DSE: variants seen among roughly 807,000 people sequenced by gnomAD.
DSE encodes dermatan-sulfate epimerase.
A neutral mutation model predicts 84.4 loss-of-function variants in DSE; 36 were observed. The ratio of observed to expected loss-of-function variants is 0.43; its 90% CI spans 0.33 to 0.56. DSE has a LOEUF of 0.56. Ranked by LOEUF, DSE falls within the 20% of genes least tolerant of loss-of-function variation. The pLI is 0.06. For missense variants in DSE, 862 were observed against 1,169.6 expected (o/e 0.74, Z 3.84); for synonymous variants, 410 against 430.1 (o/e 0.95, Z 0.58).
At chr6:116,376,430 G>A (rs1211527726) in intron 1 of DSE, among the ~76,000 whole-genome samples, 3 of 152,220 alleles carry the variant, frequency 2.0e-5, no homozygotes, top group Non-Finnish European at 2.9e-5. Context: ...GAGGAAAAGT[G>A]TTCAGAGAGC....
chr6:116,275,337 G>A (rs1253177181), intron 2 of DSE, among the ~76,000 whole-genome samples: 2 of 152,194 alleles, frequency 1.3e-5, no homozygotes, highest in Non-Finnish European at 2.9e-5. Flanking sequence ...GTGTTTAGAC[G>A]TTTTCTAATG....
intron 2 of DSE, among the ~76,000 whole-genome samples, chr6:116,425,622 TTATTTTA>T (rs1297855025): frequency 5.4e-4 from 69 of 127,788 alleles, no homozygotes; most frequent in African/African-American, 2.0e-3. Context: ...TATTTTTATT[TTATTTTA>T]TTTTTTTTTT....
chr6:116,279,964 A>C (rs1773414974), intron 2 of DSE: 2 of 1,282,516 alleles, frequency 1.6e-6, no homozygotes, highest in Non-Finnish European at 2.2e-6. Flanking sequence ...AGGACTGGAG[A>C]TCTCACGGTA....
chr6:116,278,132 TGAGTAG>T, intron 2 of DSE: 1 of 302,286 alleles, frequency 3.3e-6, no homozygotes, highest in Non-Finnish European at 6.5e-6. Context: ...AATGCAGAGC[TGAGTAG>T]GTGGAACAGG....
At chr6:116,255,582 T>C (rs1375194802) in intron 1 of DSE, 1 of 152,268 alleles carries the variant, frequency 6.6e-6, no homozygotes, top group South Asian at 2.1e-4. Flanking sequence ...CTCTTTGTCT[T>C]AATAAACGCT....
At chr6:116,363,223 T>C (rs552336112) in intron 2 of DSE, among the ~76,000 whole-genome samples, 1 of 152,116 alleles carries the variant, frequency 6.6e-6, no homozygotes, top group South Asian at 2.1e-4. Flanking sequence ...GATCAGAAAG[T>C]GAGATATTTA....
intron 2 of DSE, among the ~76,000 whole-genome samples, chr6:116,343,214 G>A (rs1777723614): frequency 6.6e-6 from 1 of 152,214 alleles, no homozygotes; most frequent in South Asian, 2.1e-4. Context: ...CTCCACCTCT[G>A]TGGGCAGGGC....
rs1209029019 is a variant in DSE, at chr6:116,283,575, A to C, written c.-54+24608A>C. Among the ~76,000 whole-genome samples, 6 of 149,890 alleles carry C rather than the reference A, an allele frequency of 4.0e-5. No individual in the cohort carries two copies. The East Asian group carries it at 1.2e-3, about 29-fold the overall frequency. On this transcript the variant is annotated intron_variant, in intron 2 of 3. Coordinates refer to the DSE transcript ENST00000430252. ...GTTGTTGTTGTTGTTATGGAGTCTCACTCTGTCGCCCAGGCTGGAGTGCAG... is the reference window on the plus strand; with the variant it reads ...GTTGTTGTTGTTGTTATGGAGTCTCCCTCTGTCGCCCAGGCTGGAGTGCAG...
chr6:116,299,503 T>C (rs1774867982), intron 2 of DSE, among the ~76,000 whole-genome samples: 1 of 2,130 alleles, frequency 4.7e-4, no homozygotes. Context: ...TTGAATTATT[T>C]TTATATATAT....
At chr6:116,329,767 C>T (rs1437875700) in intron 2 of DSE, among the ~76,000 whole-genome samples, 2 of 152,186 alleles carry the variant, frequency 1.3e-5, no homozygotes, top group African/African-American at 4.8e-5. Flanking sequence ...TGCTCAAAGT[C>T]AGAAAACATA....
At chr6:116,386,715 C>G (rs1780597551) in intron 1 of DSE, among the ~76,000 whole-genome samples, 1 of 152,158 alleles carries the variant, frequency 6.6e-6, no homozygotes, top group Admixed American at 6.5e-5. Context: ...TGCCATGTAA[C>G]CCAAGGCCTC....
rs768176273 is a variant in DSE, at chr6:116,361,367, G to A, written c.-53-37831G>A. 5.9e-4 allele frequency among the ~76,000 whole-genome samples: 90 copies of A among 152,122 alleles called. 2 individuals are homozygous for A. Among genetic ancestry groups the A allele is most frequent in the Admixed American group, 2.0e-4 (3 of 15,278 alleles). On this transcript the variant is annotated intron_variant, in intron 2 of 3. Coordinates refer to the DSE transcript ENST00000430252. ...AGCCACTGCACCCGGCCGAATATAA[G>A]TTTTAACATCAAGAAATACCCATAG...
chr6:116,369,872 G>A, upstream of DSE: 2 of 1,286,402 alleles, frequency 1.6e-6, no homozygotes, highest in Non-Finnish European at 2.0e-6. Flanking sequence ...GTGCCCTTCA[G>A]AACTCATGGA....
chr6:116,324,125 G>T (rs1344388739), intron 2 of DSE, among the ~76,000 whole-genome samples: 2 of 152,128 alleles, frequency 1.3e-5, no homozygotes, highest in East Asian at 3.9e-4. Context: ...CTCCAAAGGG[G>T]CTTTCTTCGT....
upstream of DSE, chr6:116,370,736 C>G (rs1213310721): frequency 2.1e-4 from 183 of 856,468 alleles, no homozygotes; most frequent in Non-Finnish European, 1.3e-5. Flanking sequence ...CGGCGAGTCC[C>G]GGGAGAGGAG....
chr6:116,430,419 A>G (rs1783749418), intron 3 of DSE, among the ~76,000 whole-genome samples: 1 of 152,276 alleles, frequency 6.6e-6, no homozygotes, highest in Non-Finnish European at 1.5e-5. Flanking sequence ...AAATCTTAAT[A>G]TACAAATCCT....
intron 2 of DSE, among the ~76,000 whole-genome samples, chr6:116,275,734 A>G (rs1582922006): frequency 6.6e-6 from 1 of 151,734 alleles, no homozygotes; most frequent in Admixed American, 6.6e-5. Flanking sequence ...CGGGAGGCGG[A>G]AGTTGCAGTG....
chr6:116,344,475 A>C (rs369642071), intron 2 of DSE, among the ~76,000 whole-genome samples: 23 of 152,338 alleles, frequency 1.5e-4, no homozygotes, highest in East Asian at 1.4e-3. Context: ...GTGGGGGCCA[A>C]TATTCAACAT....
At chr6:116,435,437 G>A in intron 5 of DSE, 150 bp from the exon 6 acceptor site, 1 of 721,294 alleles carries the variant, frequency 1.4e-6, no homozygotes, top group East Asian at 2.8e-5. Flanking sequence ...CATACTGGTT[G>A]TCCTTGGATA....
Sources: gnomAD v4.1 joint callset for allele counts (sites outside exome capture counted in the v4.1 genomes callset) on GRCh38, gnomAD v4.1.1 for gene constraint, MANE v1.5 for transcripts, NCBI Gene and HGNC (gene_info 2026-07-23, HGNC 2026-07-21) for gene names.